PNPLA1: variants seen among roughly 807,000 people sequenced by gnomAD.
PNPLA1 encodes patatin like domain 1, omega-hydroxyceramide transacylase, also known as omega-hydroxyceramide transacylase.
Under a neutral mutation model 51.7 loss-of-function variants are expected in PNPLA1, and 36 were observed. That is an observed-to-expected ratio of 0.70 (90% CI 0.53 to 0.92). The LOEUF (loss-of-function observed/expected upper bound fraction) is 0.92. PNPLA1 is among the 40% of genes least tolerant of loss of function. PNPLA1 has a pLI of 0.00. For missense variants in PNPLA1, 658 were observed against 682.5 expected (o/e 0.96, Z 0.40); for synonymous variants, 293 against 280.1 (o/e 1.05, Z -0.46).
Position 36,270,334 on chromosome 6 carries a change from C to T in PNPLA1, c.-126C>T, listed in dbSNP as rs1049647273. 7 of 981,564 alleles carry T rather than the reference C, an allele frequency of 7.1e-6. No homozygotes were observed. The highest frequency in any genetic ancestry group is 9.2e-6 in the Non-Finnish European group (6 of 649,154). The allele number at this position is 981,564 out of a possible 1,614,324, so 60.8% of individuals were successfully genotyped here. A position where few individuals can be genotyped will look rare whatever the true frequency, so the allele number is the denominator to read the frequency against. ...TGCTCCAGCCGGGTAGAGACAGCCA[C>T]ATTCCAAGCTCCGGGGTGGCAGGGA... On this transcript the variant is annotated 5_prime_UTR_variant, in exon 1 of 9. Coordinates refer to ENST00000636260, the MANE Select transcript of PNPLA1 (RefSeq NM_001374623.1).
chr6:36,299,335 G>GTTTTTT lies in PNPLA1; in HGVS notation c.776-2514_776-2509dup, dbSNP rs767505825. On this transcript the variant is annotated intron_variant, in intron 5 of 8. Coordinates refer to ENST00000636260, the MANE Select transcript of PNPLA1 (RefSeq NM_001374623.1). ...TGGGGTTTTTTTTGTTTTTTTGTCT[G>GTTTTTT]TTTTTTTTTTTTTTTTTGAGATGGA... is the stretch of plus-strand genomic sequence containing the variant. Among the ~76,000 whole-genome samples, 9 of 58,770 alleles carry GTTTTTT rather than the reference G, an allele frequency of 1.5e-4. 2 individuals carry two copies. The highest frequency in any genetic ancestry group is 2.3e-4 in the Non-Finnish European group (5 of 22,054). The allele number at this position is 58,770 out of a possible 152,430, so 38.6% of individuals were successfully genotyped here. A position where few individuals can be genotyped will look rare whatever the true frequency, so the allele number is the denominator to read the frequency against.
chr6:36,255,873 G>A (rs756141795), intron 1 of PNPLA1, among the ~76,000 whole-genome samples: 1 of 152,190 alleles, frequency 6.6e-6, no homozygotes, highest in Non-Finnish European at 1.5e-5. Flanking sequence ...ACATGCATCT[G>A]AAACACTGAG....
chr6:36,291,125 G>A (rs1582077645), intron 1 of PNPLA1, among the ~76,000 whole-genome samples, 195 bp from the exon 2 acceptor site: 3 of 152,208 alleles, frequency 2.0e-5, no homozygotes, highest in African/African-American at 7.2e-5. Flanking sequence ...CGGAGCCAGC[G>A]ACTTCCTTCC....
At chr6:36,259,034 A>G (rs2127316915) in intron 1 of PNPLA1, among the ~76,000 whole-genome samples, 1 of 152,344 alleles carries the variant, frequency 6.6e-6, no homozygotes, top group Middle Eastern at 3.4e-3. Flanking sequence ...TCTGGCCAGC[A>G]GGTTCTGGGT....
chr6:36,260,218 A>C (rs1769617576), intron 1 of PNPLA1, among the ~76,000 whole-genome samples: 1 of 152,012 alleles, frequency 6.6e-6, no homozygotes, highest in South Asian at 2.1e-4. Context: ...TGAGCCCAAG[A>C]GTTTAAGGCT....
rs1050704824 is a variant in PNPLA1, at chr6:36,313,526, G to T, written c.*1640G>T. Among the ~76,000 whole-genome samples the T allele has an allele frequency of 6.6e-6, 1 of 152,200 alleles. No individual in the cohort carries two copies. Among genetic ancestry groups the T allele is most frequent in the African/African-American group, 2.4e-5 (1 of 41,448 alleles). ...TGGGGATTTAGAGGGTTGGGGCTTG[G>T]CTGCGGCAACAGACCCCACTTAACA... On this transcript the variant is annotated 3_prime_UTR_variant, in exon 9 of 9. Transcript: ENST00000636260.
At chr6:36,259,985 G>A (rs181780638) in intron 1 of PNPLA1, among the ~76,000 whole-genome samples, 27 of 152,124 alleles carry the variant, frequency 1.8e-4, no homozygotes, top group South Asian at 8.3e-4. Context: ...AATAAAAGTT[G>A]AAATTTTTTT....
At chr6:36,291,597 G>GGA in intron 2 of PNPLA1, 45 bp downstream of exon 2, 1 of 532,584 alleles carries the variant, frequency 1.9e-6, no homozygotes, top group South Asian at 1.7e-5. Context: ...GGGGGCGGGG[G>GGA]AGGGCGGCTC....
At chr6:36,258,480 C>T (rs569540489) in intron 1 of PNPLA1, among the ~76,000 whole-genome samples, 1 of 152,306 alleles carries the variant, frequency 6.6e-6, no homozygotes, top group Non-Finnish European at 1.5e-5. Flanking sequence ...ATATCCATGC[C>T]TTTTGATCAC....
chr6:36,310,138 A>C (rs1771356067), intron 8 of PNPLA1, among the ~76,000 whole-genome samples: 1 of 152,234 alleles, frequency 6.6e-6, no homozygotes, highest in Non-Finnish European at 1.5e-5. Flanking sequence ...GTGGATTACA[A>C]GGACAAACAT....
chr6:36,246,104 T>C (rs1030652190), intron 1 of PNPLA1, among the ~76,000 whole-genome samples: 6 of 152,208 alleles, frequency 3.9e-5, no homozygotes, highest in Non-Finnish European at 7.3e-5. Flanking sequence ...CACGCTCATC[T>C]ACTTCTCAGA....
At chr6:36,305,352 TG>T (rs1239712619) in intron 6 of PNPLA1, among the ~76,000 whole-genome samples, 1 of 152,118 alleles carries the variant, frequency 6.6e-6, no homozygotes, top group African/African-American at 2.4e-5. Context: ...TTGGTGGCAT[TG>T]GGGAACAGGA....
Position 36,313,530 on chromosome 6 carries a change from C to T in PNPLA1, c.*1644C>T, listed in dbSNP as rs941115862. Reference sequence around the variant, plus strand: ...GATTTAGAGGGTTGGGGCTTGGCTGCGGCAACAGACCCCACTTAACACAGC... The same window carrying T: ...GATTTAGAGGGTTGGGGCTTGGCTGTGGCAACAGACCCCACTTAACACAGC... On this transcript the variant is annotated 3_prime_UTR_variant, in exon 9 of 9. Coordinates refer to ENST00000636260, the MANE Select transcript of PNPLA1 (RefSeq NM_001374623.1). Among the ~76,000 whole-genome samples the T allele has an allele frequency of 6.6e-6, 1 of 152,162 alleles. No homozygotes were observed. Among genetic ancestry groups the T allele is most frequent in the African/African-American group, 2.4e-5 (1 of 41,436 alleles).
chr6:36,253,103 C>G (rs1769458002), intron 1 of PNPLA1, among the ~76,000 whole-genome samples: 1 of 152,164 alleles, frequency 6.6e-6, no homozygotes, highest in Non-Finnish European at 1.5e-5. Flanking sequence ...TTGCTTGAAC[C>G]CGGGAGGCGG....
intron 8 of PNPLA1, 165 bp downstream of exon 8, chr6:36,307,877 A>G (rs955604969): frequency 2.4e-6 from 2 of 838,932 alleles, no homozygotes; most frequent in African/African-American, 3.5e-5. Flanking sequence ...GCTCTGCCAC[A>G]GCTCCACTCA....
chr6:36,292,136 C>A (rs1212595530), intron 2 of PNPLA1, among the ~76,000 whole-genome samples: 1 of 152,152 alleles, frequency 6.6e-6, no homozygotes, highest in Non-Finnish European at 1.5e-5. Flanking sequence ...TCTTTCGGGA[C>A]AAAGGGGTTA....
In PNPLA1 at chr6:36,293,023, C is replaced by T. The variant is rs368202848; in HGVS notation, c.439-38C>T. 95 of 1,569,044 alleles carry T rather than the reference C, an allele frequency of 6.1e-5. No individual in the cohort carries two copies. In the African/African-American group the frequency reaches 6.9e-4, roughly 11 times the overall value. On this transcript the variant is annotated intron_variant, in intron 2 of 8. Transcript: ENST00000636260. The stretch of plus-strand genomic sequence containing the variant: ...AGGTGAGCTGTCCCCACCCCACCCC[C>T]GGGCCTCCAGCATCTCAGCCCTGTT...
rs769951055 is a variant in PNPLA1 at position 36,302,087 on chromosome 6, A to G, written c.1002A>G (p.Thr334=). 10 of 1,614,080 alleles carry G rather than the reference A, an allele frequency of 6.2e-6. No homozygotes were observed. In the African/African-American group the frequency reaches 1.3e-4, roughly 22 times the overall value. Residue 334 remains threonine (T), a synonymous_variant, in exon 6 of 9, where the codon ACA becomes ACG. Transcript: ENST00000636260. ...HGPPVSQPVQ[T]LEFTCESPVS... ...CGCCTGTGTCCCAACCTGTGCAGAC[A>G]CTTGAATTCACATGCGAGTCACCTG...
intron 1 of PNPLA1, among the ~76,000 whole-genome samples, chr6:36,280,849 G>A (rs936456002): frequency 3.3e-5 from 5 of 152,206 alleles, no homozygotes; most frequent in Non-Finnish European, 7.3e-5. Context: ...GAGTGCAGAG[G>A]CGCCATCATA....
Sources: gnomAD v4.1 joint callset for allele counts (sites outside exome capture counted in the v4.1 genomes callset) on GRCh38, gnomAD v4.1.1 for gene constraint, MANE v1.5 for transcripts, NCBI Gene and HGNC (gene_info 2026-07-23, HGNC 2026-07-21) for gene names.